Variants in ECPAS observed in about 807,000 individuals in gnomAD.
ECPAS encodes Ecm29 proteasome adaptor and scaffold.
Under a neutral mutation model 255.1 loss-of-function variants are expected in ECPAS, and 70 were observed. The ratio of observed to expected loss-of-function variants is 0.27; its 90% CI spans 0.23 to 0.33. The LOEUF (loss-of-function observed/expected upper bound fraction) is 0.33, where lower values mean the gene tolerates loss of function less well. Among genes scored for constraint, ECPAS ranks in the 10% least tolerant of loss-of-function variants. The pLI, the probability that ECPAS is intolerant of heterozygous loss-of-function variation, is 1.00. For missense variants in ECPAS, 1,817 were observed against 2,206.4 expected (o/e 0.82, Z 3.54); for synonymous variants, 784 against 775.0 (o/e 1.01, Z -0.19).
At chr9:111,478,886 T>C (rs2098299975) in intron 1 of ECPAS, among the ~76,000 whole-genome samples, 1 of 152,246 alleles carries the variant, frequency 6.6e-6, no homozygotes, top group Admixed American at 6.5e-5. Flanking sequence ...GTGTCTCTTT[T>C]GTACCCAACA....
At chr9:111,364,252 G>A (rs552868708) in intron 48 of ECPAS, among the ~76,000 whole-genome samples, 1 of 152,192 alleles carries the variant, frequency 6.6e-6, no homozygotes, top group Non-Finnish European at 1.5e-5. Flanking sequence ...AAGCAGGGTA[G>A]GCATGAGATG....
intron 25 of ECPAS, among the ~76,000 whole-genome samples, chr9:111,394,584 G>A (rs1249861507): frequency 1.3e-5 from 2 of 152,094 alleles, no homozygotes; most frequent in Non-Finnish European, 2.9e-5. Flanking sequence ...TCTACTAGAT[G>A]TTTCTCATCT....
At chr9:111,470,569 C>G (rs2098286229) in intron 2 of ECPAS, among the ~76,000 whole-genome samples, 1 of 152,158 alleles carries the variant, frequency 6.6e-6, no homozygotes, top group South Asian at 2.1e-4. Flanking sequence ...CTCGGCCTCC[C>G]AAAGTGCTGG....
At chr9:111,442,204 G>A in intron 5 of ECPAS, 102 bp downstream of exon 5, 1 of 702,304 alleles carries the variant, frequency 1.4e-6, no homozygotes, top group South Asian at 1.9e-5. Context: ...AACAGCTCAA[G>A]ACCTCCCATT....
intron 24 of ECPAS, among the ~76,000 whole-genome samples, chr9:111,401,889 C>T (rs2098176627): frequency 6.6e-6 from 1 of 152,196 alleles, no homozygotes; most frequent in African/African-American, 2.4e-5. Context: ...CCCTGAAAAT[C>T]ACTGTTATTC....
At chr9:111,468,334 T>C (rs1048297725) in intron 2 of ECPAS, among the ~76,000 whole-genome samples, 6 of 152,136 alleles carry the variant, frequency 3.9e-5, no homozygotes, top group Non-Finnish European at 8.8e-5. Flanking sequence ...CCAAAACTAC[T>C]AAGTGGCAGG....
At chr9:111,373,019 C>A (rs2098129265) in intron 41 of ECPAS, 151 bp downstream of exon 41, 1 of 721,684 alleles carries the variant, frequency 1.4e-6, no homozygotes, top group Non-Finnish European at 2.3e-6. Context: ...GCGACAAAGC[C>A]AGACACCATC....
In ECPAS at chr9:111,430,594, T is replaced by C. The variant is rs1359992446; in HGVS notation, c.883A>G (p.Lys295Glu). The change falls in exon 9 of 50, where the codon AAG becomes GAG. Residue 295 changes from lysine (K) to glutamate (E), a missense_variant. By Grantham distance (56) the Lys-to-Glu change is moderately conservative. This residue lies in a region of ECPAS where 573 missense variants were observed against 716.2 expected (regional missense o/e 0.80). Coordinates refer to ENST00000684092, the MANE Select transcript of ECPAS (RefSeq NM_001364929.1). ...TCTCCAAGGTACACCTTGTACATCTTATTAATGATGGCAGGATTATTCCAG... is the reference window on the plus strand; with the variant it reads ...TCTCCAAGGTACACCTTGTACATCTCATTAATGATGGCAGGATTATTCCAG... ...IDWNNPAIIN[K>E]MYKVYLGDIP... is the part of the protein sequence containing the mutation. 6.3e-7 allele frequency: 1 copy of C among 1,599,590 alleles called. No individual in the cohort carries two copies. Among genetic ancestry groups the C allele is most frequent in the East Asian group, 2.2e-5 (1 of 44,670 alleles).
At chr9:111,366,758 T>C in intron 46 of ECPAS, 131 bp from the exon 47 acceptor site, 1 of 626,524 alleles carries the variant, frequency 1.6e-6, no homozygotes, top group Non-Finnish European at 2.9e-6. Flanking sequence ...GTGGGGAGGA[T>C]AAGAGAGAGA....
chr9:111,438,601 A>G (rs529901184), intron 6 of ECPAS, among the ~76,000 whole-genome samples: 12 of 152,228 alleles, frequency 7.9e-5, no homozygotes, highest in Non-Finnish European at 1.6e-4. Context: ...CCCTATCTCA[A>G]ACAAACATCA....
At chr9:111,477,207 C>G (rs1364088917) in intron 1 of ECPAS, among the ~76,000 whole-genome samples, 1 of 152,016 alleles carries the variant, frequency 6.6e-6, no homozygotes, top group Non-Finnish European at 1.5e-5. Flanking sequence ...TTCCCAGGTT[C>G]AAGCAATTCT....
At chr9:111,422,111 A>T in intron 14 of ECPAS, 23 bp downstream of exon 14, 1 of 1,613,812 alleles carries the variant, frequency 6.2e-7, no homozygotes, top group Non-Finnish European at 8.5e-7. Context: ...CACAAAGCAT[A>T]AACTTAGCAG....
chr9:111,381,406 A>G lies in ECPAS; in HGVS notation c.3803+1805T>C, dbSNP rs77506402. Among the ~76,000 whole-genome samples, 9 of 152,354 alleles carry G rather than the reference A, an allele frequency of 5.9e-5. No individual in the cohort carries two copies. In the East Asian group the frequency reaches 1.5e-3, roughly 26 times the overall value. ...CATACAACTCCAAAACAATTACAAA[A>G]TAACATCAAAGATCACTGATCACAG... is the stretch of plus-strand genomic sequence containing the variant. On this transcript the variant is annotated intron_variant, in intron 35 of 49. Transcript: ENST00000684092.
intron 2 of ECPAS, among the ~76,000 whole-genome samples, chr9:111,458,599 G>C (rs1284763685): frequency 1.3e-5 from 2 of 151,886 alleles, no homozygotes; most frequent in East Asian, 3.9e-4. Flanking sequence ...TTTTCAGCCA[G>C]GTGATTAGGG....
chr9:111,473,400 T>C (rs2098291805), intron 1 of ECPAS, among the ~76,000 whole-genome samples: 1 of 152,224 alleles, frequency 6.6e-6, no homozygotes. Context: ...TACATGTTTT[T>C]AGCACATTAC....
At chr9:111,410,769 T>C (rs147605986) in intron 22 of ECPAS, among the ~76,000 whole-genome samples, 2 of 152,294 alleles carry the variant, frequency 1.3e-5, no homozygotes, top group African/African-American at 2.4e-5. Context: ...TCCTCCCACC[T>C]TGGCCTCCCA....
At chr9:111,377,483 A>G (rs188430217) in intron 36 of ECPAS, among the ~76,000 whole-genome samples, 29 of 152,214 alleles carry the variant, frequency 1.9e-4, no homozygotes, top group Non-Finnish European at 3.4e-4. Context: ...AGGTACGGAG[A>G]AAAAAAGAAC....
chr9:111,433,081 CT>C, intron 8 of ECPAS, among the ~76,000 whole-genome samples, 151 bp downstream of exon 8: 1 of 152,196 alleles, frequency 6.6e-6, no homozygotes, highest in Non-Finnish European at 1.5e-5. Context: ...GAATTCAACT[CT>C]TTAGCAAACT....
At chr9:111,410,402 T>A (rs1271594202) in intron 22 of ECPAS, among the ~76,000 whole-genome samples, 189 bp from the exon 23 acceptor site, 2 of 152,188 alleles carry the variant, frequency 1.3e-5, no homozygotes, top group Non-Finnish European at 2.9e-5. Context: ...TAGAGTAGTA[T>A]TTTTTTAATG....
Sources: allele counts gnomAD v4.1 joint callset (sites outside exome capture counted in the v4.1 genomes callset), GRCh38; gene constraint gnomAD v4.1.1; regional missense constraint gnomAD v4.1.1; transcripts MANE v1.5; gene names NCBI Gene and HGNC (gene_info 2026-07-23, HGNC 2026-07-21).